Variants in WDR31 observed in about 807,000 individuals in gnomAD.
WDR31 encodes WD repeat domain 31.
WDR31 carries 30 observed loss-of-function variants against 47.3 expected under a neutral mutation model. The observed-to-expected ratio is 0.63, with a 90% confidence interval of 0.47 to 0.86. The LOEUF (loss-of-function observed/expected upper bound fraction) is 0.86, where lower values mean the gene tolerates loss of function less well. Ranked by LOEUF, WDR31 falls within the 40% of genes least tolerant of loss-of-function variation. The pLI, the probability that WDR31 is intolerant of heterozygous loss-of-function variation, is 0.00. For synonymous variants in WDR31, 137 were observed against 159.4 expected, an observed-to-expected ratio of 0.86 and a Z score of 1.06; for missense variants, 406 against 442.9, an observed-to-expected ratio of 0.92 and a Z score of 0.75.
At position 113,321,209 on chromosome 9, in the gene WDR31, G is replaced by A. The variant is rs568586230; in HGVS notation, c.638+302C>T. Among the ~76,000 whole-genome samples, 6 of 152,342 alleles carry A rather than the reference G, an allele frequency of 3.9e-5. No individual in the cohort carries two copies. In the East Asian group the frequency reaches 1.2e-3, roughly 29 times the overall value. ...CAGGCAGCCCAACAGGGTGGGACAA[G>A]CAAGTGACTGATTCTGGGGTTAATC... On this transcript the variant is annotated intron_variant, in intron 8 of 10. Coordinates refer to ENST00000374193, the MANE Select transcript of WDR31 (RefSeq NM_001012361.4).
chr9:113,332,911 C>A (rs1466803979), intron 2 of WDR31, among the ~76,000 whole-genome samples: 2 of 152,144 alleles, frequency 1.3e-5, no homozygotes, highest in African/African-American at 2.4e-5. Flanking sequence ...AAGCCTGGCA[C>A]CTCCCTCCTC....
At position 113,315,063 on chromosome 9, in the gene WDR31, A is replaced by C. The variant is rs1833160092; in HGVS notation, c.*1686T>G. 6.6e-6 allele frequency: 1 copy of C among 152,098 alleles called. No individual in the cohort carries two copies. Among genetic ancestry groups the C allele is most frequent in the Non-Finnish European group, 1.5e-5 (1 of 68,032 alleles). 9.4% of individuals were successfully genotyped at this position (152,098 alleles called of 1,614,324 possible). A position where few individuals can be genotyped will look rare whatever the true frequency, so the allele number is the denominator to read the frequency against. On this transcript the variant is annotated 3_prime_UTR_variant, in exon 11 of 11. Transcript: ENST00000374193. ...AGCTAAATGGAGAAGTGGAGATTCAAAGTCGGGTCTGACTCTTTGTACTAG... is the reference window on the plus strand; with the variant it reads ...AGCTAAATGGAGAAGTGGAGATTCACAGTCGGGTCTGACTCTTTGTACTAG...
intron 5 of WDR31, among the ~76,000 whole-genome samples, chr9:113,327,470 C>T (rs565369863): frequency 6.6e-6 from 1 of 152,250 alleles, no homozygotes; most frequent in East Asian, 1.9e-4. Flanking sequence ...TGCATGCACA[C>T]ACACTCACAC....
chr9:113,337,004 G>A (rs1833727611), intron 1 of WDR31, among the ~76,000 whole-genome samples: 1 of 152,142 alleles, frequency 6.6e-6, no homozygotes, highest in Non-Finnish European at 1.5e-5. Flanking sequence ...CAGCTTTATT[G>A]CATTTTAATA....
Position 113,320,426 on chromosome 9 carries a change from T to C in WDR31, c.711A>G (p.Glu237=), listed in dbSNP as rs1467491683. ...PAKQHIQTYC[E]VSVDGHKCIS... Reference sequence around the variant, plus strand: ...TACACTTGTGTCCATCCACACTGACTTCACAGTAGGTCTGAATGTGCTGCT... The same window carrying C: ...TACACTTGTGTCCATCCACACTGACCTCACAGTAGGTCTGAATGTGCTGCT... Residue 237 remains glutamate, a synonymous_variant, in exon 9 of 11, where the codon GAA becomes GAG. Transcript: ENST00000374193. 8.7e-6 allele frequency: 14 copies of C among 1,614,262 alleles called. No homozygotes were observed. The highest frequency in any genetic ancestry group is 5.1e-6 in the Non-Finnish European group (6 of 1,180,050).
At position 113,320,472 on chromosome 9, in the gene WDR31, A is replaced by G. The variant is rs1292966563; in HGVS notation, c.665T>C (p.Val222Ala). The G allele has an allele frequency of 6.2e-7, 1 of 1,614,186 alleles. No homozygotes were observed. Among genetic ancestry groups the G allele is most frequent in the South Asian group, 1.1e-5 (1 of 91,072 alleles). Reference protein sequence around the residue: ...LRLWDSRGLQVAHMFPAKQHI... With the variant: ...LRLWDSRGLQAAHMFPAKQHI... ...CTGCTTTGCAGGAAACATATGAGCT[A>G]CCTGCAGCCCCCGACTGTCCCATAA... is the stretch of plus-strand genomic sequence containing the variant. Residue 222 changes from valine to alanine, a missense_variant, in exon 9 of 11, where the codon GTA becomes GCA. By Grantham distance (64) the Val-to-Ala change is moderately conservative. Coordinates refer to ENST00000374193, the MANE Select transcript of WDR31 (RefSeq NM_001012361.4).
chr9:113,321,437 G>A, intron 8 of WDR31, 74 bp downstream of exon 8: 2 of 1,425,170 alleles, frequency 1.4e-6, no homozygotes, highest in Non-Finnish European at 2.0e-6. Flanking sequence ...GAATCAGAGT[G>A]GGAATGGAGC....
chr9:113,325,626 T>C (rs1416650524), intron 5 of WDR31, among the ~76,000 whole-genome samples: 1 of 151,870 alleles, frequency 6.6e-6, no homozygotes, highest in Non-Finnish European at 1.5e-5. Flanking sequence ...TTTTTTTTTC[T>C]TTAATTAGCA....
chr9:113,328,885 G>T lies in WDR31; in HGVS notation c.320C>A (p.Thr107Asn), dbSNP rs1360272875. The T allele has an allele frequency of 2.5e-6, 4 of 1,612,868 alleles. No homozygotes were observed. Among genetic ancestry groups the T allele is most frequent in the Non-Finnish European group, 3.4e-6 (4 of 1,179,026 alleles). The stretch of plus-strand genomic sequence containing the variant: ...TAATAATCATTTGAAAATTACCTTG[G>T]TGATCTCATGTTCATGTCCTTTGAA... ...KRFKGHEHEI[T>N]KVACIPKSSQ... Residue 107 changes from threonine to asparagine, a missense_variant, in exon 5 of 11, where the codon ACC becomes AAC. By Grantham distance (65) the Thr-to-Asn change is moderately conservative. Transcript: ENST00000374193.
At position 113,323,035 on chromosome 9, in the gene WDR31, C is replaced by A; in HGVS notation, c.445G>T (p.Val149Phe). Reference sequence around the variant, plus strand: ...CCTGGACTCACAGCCAATCCGGTGACCACCATGGCATGGCCACACAATTGC... The same window carrying A: ...CCTGGACTCACAGCCAATCCGGTGAACACCATGGCATGGCCACACAATTGC... ...RQQLCGHAMV[V>F]TGLAVSPDSS... Residue 149 changes from valine to phenylalanine, a missense_variant, in exon 6 of 11, where the codon GTC (valine) becomes TTC (phenylalanine). Val to Phe is a conservative substitution (Grantham distance 50, BLOSUM62 -1). Coordinates refer to ENST00000374193, the MANE Select transcript of WDR31 (RefSeq NM_001012361.4). 3.1e-6 allele frequency: 5 copies of A among 1,614,144 alleles called. No individual in the cohort carries two copies. The highest frequency in any genetic ancestry group is 4.2e-6 in the Non-Finnish European group (5 of 1,180,016).
At chr9:113,337,527 G>A (rs575390932) in intron 1 of WDR31, among the ~76,000 whole-genome samples, 29 of 148,178 alleles carry the variant, frequency 2.0e-4, no homozygotes, top group Non-Finnish European at 3.3e-4. Context: ...GTGCAGTGGT[G>A]CAACCTGGGC....
chr9:113,333,571 C>CG (rs1488187021), intron 2 of WDR31, among the ~76,000 whole-genome samples: 1 of 150,682 alleles, frequency 6.6e-6, no homozygotes, highest in Non-Finnish European at 1.5e-5. Flanking sequence ...TTAGTAGAGA[C>CG]GGGGTTTCAC....
rs1043485858 is a variant in WDR31, at chr9:113,330,641, G to T, written c.249+343C>A. Among the ~76,000 whole-genome samples, 6 of 152,194 alleles carry T rather than the reference G, an allele frequency of 3.9e-5. No individual in the cohort carries two copies. The South Asian group carries it at 1.2e-3, about 32-fold the overall frequency. Reference sequence around the variant, plus strand: ...TCCATGTAGGTGTAACATGGGATTGGTGGTAAGTATAATCTTTGCCATTTA... The same window carrying T: ...TCCATGTAGGTGTAACATGGGATTGTTGGTAAGTATAATCTTTGCCATTTA... On this transcript the variant is annotated intron_variant, in intron 4 of 10. Coordinates refer to ENST00000374193, the MANE Select transcript of WDR31 (RefSeq NM_001012361.4).
intron 1 of WDR31, among the ~76,000 whole-genome samples, chr9:113,337,999 A>G (rs1833753710): frequency 6.6e-6 from 1 of 152,228 alleles, no homozygotes; most frequent in East Asian, 1.9e-4. Flanking sequence ...ACTTGAATCC[A>G]GGCAGTCCAA....
rs1170942918 is a variant in WDR31 at position 113,313,475 on chromosome 9, G to A, written c.*3274C>T. The A allele has an allele frequency of 6.6e-6, 1 of 152,258 alleles. No individual in the cohort carries two copies. The highest frequency in any genetic ancestry group is 1.5e-5 in the Non-Finnish European group (1 of 68,056). 9.4% of individuals were successfully genotyped at this position (152,258 alleles called of 1,614,324 possible). A position where few individuals can be genotyped will look rare whatever the true frequency, so the allele number is the denominator to read the frequency against. On this transcript the variant is annotated 3_prime_UTR_variant, in exon 11 of 11. Transcript: ENST00000374193. ...AGCTGTCTACTGCCCCTAGGCACTTGGGCAGGGGATCTCCTTGGAGCCAGA... is the reference window on the plus strand; with the variant it reads ...AGCTGTCTACTGCCCCTAGGCACTTAGGCAGGGGATCTCCTTGGAGCCAGA...
Position 113,328,892 on chromosome 9 carries a change from C to G in WDR31, c.313G>C (p.Glu105Gln). 6.2e-7 allele frequency: 1 copy of G among 1,613,748 alleles called. No homozygotes were observed. The highest frequency in any genetic ancestry group is 8.5e-7 in the Non-Finnish European group (1 of 1,179,616). Reference protein sequence around the residue: ...VVKRFKGHEHEITKVACIPKS... With the variant: ...VVKRFKGHEHQITKVACIPKS... Reference sequence around the variant, plus strand: ...CATTTGAAAATTACCTTGGTGATCTCATGTTCATGTCCTTTGAACCTTTTC... The same window carrying G: ...CATTTGAAAATTACCTTGGTGATCTGATGTTCATGTCCTTTGAACCTTTTC... The change falls in exon 5 of 11, where the codon GAG (glutamate) becomes CAG (glutamine). Residue 105 changes from glutamate (E) to glutamine (Q), a missense_variant. Physicochemically the swap from Glu to Gln is conservative, Grantham distance 29. Transcript: ENST00000374193.
At chr9:113,334,601 G>A (rs1455453258) in intron 2 of WDR31, among the ~76,000 whole-genome samples, 2 of 151,238 alleles carry the variant, frequency 1.3e-5, no homozygotes, top group South Asian at 2.1e-4. Flanking sequence ...GTGCAATGGC[G>A]TGATCTCAGC....
intron 1 of WDR31, among the ~76,000 whole-genome samples, chr9:113,339,277 A>G (rs750432452): frequency 6.6e-6 from 1 of 152,180 alleles, no homozygotes; most frequent in Non-Finnish European, 1.5e-5. Flanking sequence ...GTTCTATTCC[A>G]TGAAGAAACT....
rs555186893 is a variant in WDR31 at position 113,336,302 on chromosome 9, G to A, written c.-43C>T. 4.6e-5 allele frequency: 7 copies of A among 152,300 alleles called. No homozygotes were observed. The South Asian group carries it at 1.4e-3, about 32-fold the overall frequency. 9.4% of individuals were successfully genotyped at this position (152,300 alleles called of 1,614,324 possible). The stretch of plus-strand genomic sequence containing the variant: ...GAATTACTTACCCCCAAACCAATAG[G>A]ATCTTCTTGGTTAGCTGCCCTATTC... On this transcript the variant is annotated 5_prime_UTR_variant, in exon 2 of 11. Coordinates refer to ENST00000374193, the MANE Select transcript of WDR31 (RefSeq NM_001012361.4).
Sources: gnomAD v4.1 joint callset for allele counts (sites outside exome capture counted in the v4.1 genomes callset) on GRCh38, gnomAD v4.1.1 for gene constraint, MANE v1.5 for transcripts, NCBI Gene and HGNC (gene_info 2026-07-23, HGNC 2026-07-21) for gene names.